SEPTIN11: variants seen among roughly 807,000 people sequenced by gnomAD.
The protein encoded by SEPTIN11 is septin-11.
A neutral mutation model predicts 51.4 loss-of-function variants in SEPTIN11; 25 were observed. The observed-to-expected ratio is 0.49, with a 90% CI of 0.35 to 0.68. The LOEUF (loss-of-function observed/expected upper bound fraction) is 0.68, where lower values mean the gene tolerates loss of function less well. SEPTIN11 is among the 30% of genes least tolerant of loss of function. The probability of loss-of-function intolerance (pLI) is 0.00; values close to 1 mark genes in which losing one functional copy is unlikely to be tolerated. For missense variants in SEPTIN11, 381 were observed against 520.8 expected (o/e 0.73, Z 2.61); for synonymous variants, 174 against 184.1 (o/e 0.95, Z 0.44).
At chr4:76,996,990 C>T (rs896006728) in intron 2 of SEPTIN11, among the ~76,000 whole-genome samples, 1 of 151,722 alleles carries the variant, frequency 6.6e-6, no homozygotes, top group Non-Finnish European at 1.5e-5. Flanking sequence ...AGCAATTCTC[C>T]TGCCTCAGCC....
At chr4:76,969,363 C>T (rs1185487408) in intron 1 of SEPTIN11, among the ~76,000 whole-genome samples, 3 of 152,046 alleles carry the variant, frequency 2.0e-5, no homozygotes, top group African/African-American at 4.8e-5. Context: ...TTTTCTAAAT[C>T]GAATCCACTG....
chr4:77,017,652 G>A (rs1455115080), intron 5 of SEPTIN11, among the ~76,000 whole-genome samples: 1 of 152,218 alleles, frequency 6.6e-6, no homozygotes, highest in African/African-American at 2.4e-5. Context: ...ATTATGCCAA[G>A]TTCTTTGTAG....
At position 77,014,872 on chromosome 4, in the gene SEPTIN11, T is replaced by A; in HGVS notation, c.542T>A (p.Ile181Lys). 6.2e-7 allele frequency: 1 copy of A among 1,614,030 alleles called. No homozygotes were observed. The highest frequency in any genetic ancestry group is 8.5e-7 in the Non-Finnish European group (1 of 1,179,964). The change falls in exon 5 of 10, where the codon ATA becomes AAA. Residue 181 changes from isoleucine (I) to lysine (K), a missense_variant. By Grantham distance (102) the Ile-to-Lys change is moderately radical. Transcript: ENST00000264893. ...KLDSKVNIIP[I>K]IAKADTIAKN... is the part of the protein sequence containing the mutation. ...GTTTTACAGGTGAACATCATTCCAA[T>A]AATTGCAAAAGCTGACACCATTGCC...
At chr4:76,988,836 TA>T (rs1723186931) in intron 1 of SEPTIN11, among the ~76,000 whole-genome samples, 1 of 152,236 alleles carries the variant, frequency 6.6e-6, no homozygotes, top group African/African-American at 2.4e-5. Context: ...AAGCAGAAAT[TA>T]AAAGTTGAGG....
At chr4:77,009,211 C>T (rs1724691031) in intron 3 of SEPTIN11, among the ~76,000 whole-genome samples, 1 of 152,134 alleles carries the variant, frequency 6.6e-6, no homozygotes, top group African/African-American at 2.4e-5. Context: ...GAAGGAGGCT[C>T]CAGGTTGAAT....
At chr4:76,991,641 C>T (rs1482284634) in intron 1 of SEPTIN11, among the ~76,000 whole-genome samples, 2 of 152,284 alleles carry the variant, frequency 1.3e-5, no homozygotes, top group South Asian at 2.1e-4. Context: ...ATTTGGGGAA[C>T]TTTAGCTTTC....
chr4:76,960,160 G>A (rs1007544802), intron 1 of SEPTIN11, among the ~76,000 whole-genome samples: 3 of 152,268 alleles, frequency 2.0e-5, no homozygotes, highest in South Asian at 2.1e-4. Context: ...TTCTCCTCAC[G>A]TTTGTCACCT....
chr4:77,018,889 ATAGT>A (rs1339945540), intron 5 of SEPTIN11, among the ~76,000 whole-genome samples: 5 of 152,242 alleles, frequency 3.3e-5, no homozygotes, highest in African/African-American at 1.2e-4. Context: ...ACAGTCACAT[ATAGT>A]TAGTGGCTAC....
rs1725662008 is a variant in SEPTIN11, at chr4:77,020,738, G to A, written c.953+68G>A. 2.1e-6 allele frequency: 3 copies of A among 1,443,510 alleles called. No individual in the cohort carries two copies. The Admixed American group carries it at 6.0e-5, about 29-fold the overall frequency. The allele number at this position is 1,443,510 out of a possible 1,614,324, so 89.4% of individuals were successfully genotyped here. On this transcript the variant is annotated intron_variant, in intron 7 of 9. Coordinates refer to ENST00000264893, the MANE Select transcript of SEPTIN11 (RefSeq NM_018243.4). ...GAGAGTGGCATGGTGGTACATCACA[G>A]AAATGCTTGCTGGATTGAGATGGTG... is the stretch of plus-strand genomic sequence containing the variant.
intron 1 of SEPTIN11, chr4:76,959,306 G>A (rs1045492812): frequency 6.4e-6 from 1 of 155,106 alleles, no homozygotes; most frequent in Non-Finnish European, 1.4e-5. Context: ...TGGATACAGA[G>A]TCTTGCTATG....
Position 77,038,170 on chromosome 4 carries a change from A to C in SEPTIN11, c.*3658A>C, listed in dbSNP as rs1485416271. On this transcript the variant is annotated 3_prime_UTR_variant, in exon 10 of 10. Coordinates refer to ENST00000264893, the MANE Select transcript of SEPTIN11 (RefSeq NM_018243.4). The stretch of plus-strand genomic sequence containing the variant: ...TGACAGGACACATTCTTTAGTGGGA[A>C]TTAAGACCTACAAAGTCTAGTTTGT... 1.6e-5 allele frequency: 16 copies of C among 985,748 alleles called. No homozygotes were observed. The highest frequency in any genetic ancestry group is 6.1e-5 in the Admixed American group (1 of 16,268). The allele number at this position is 985,748 out of a possible 1,614,324, so 61.1% of individuals were successfully genotyped here. A position where few individuals can be genotyped will look rare whatever the true frequency, so the allele number is the denominator to read the frequency against.
intron 2 of SEPTIN11, among the ~76,000 whole-genome samples, chr4:76,997,458 A>T (rs1034075750): frequency 2.0e-5 from 3 of 152,208 alleles, no homozygotes; most frequent in Admixed American, 2.0e-4. Flanking sequence ...AGTTGGGGGG[A>T]GTGCAGATAT....
intron 2 of SEPTIN11, among the ~76,000 whole-genome samples, chr4:76,997,186 C>T (rs879782475): frequency 7.2e-5 from 11 of 152,276 alleles, no homozygotes; most frequent in South Asian, 4.2e-4. Flanking sequence ...CTCCCCATCA[C>T]GCCTGATGAA....
At chr4:77,000,188 G>A (rs1724021851) in intron 2 of SEPTIN11, among the ~76,000 whole-genome samples, 1 of 152,228 alleles carries the variant, frequency 6.6e-6, no homozygotes, top group Non-Finnish European at 1.5e-5. Flanking sequence ...TTTTGAAATA[G>A]AAAATTTGTC....
At chr4:76,970,307 C>T (rs966028856) in intron 1 of SEPTIN11, among the ~76,000 whole-genome samples, 1 of 152,190 alleles carries the variant, frequency 6.6e-6, no homozygotes, top group Non-Finnish European at 1.5e-5. Context: ...AGTTTTCACG[C>T]CTTATTAATT....
chr4:77,020,769 G>A, intron 7 of SEPTIN11, 99 bp downstream of exon 7: 1 of 1,130,126 alleles, frequency 8.8e-7, no homozygotes, highest in East Asian at 2.5e-5. Flanking sequence ...TGGTGATGAT[G>A]GAAGGATCTG....
chr4:76,967,111 TGC>T (rs1722065547), intron 1 of SEPTIN11, among the ~76,000 whole-genome samples: 1 of 152,006 alleles, frequency 6.6e-6, no homozygotes, highest in Non-Finnish European at 1.5e-5. Context: ...GCACGAGAAT[TGC>T]TTGAGTCCAG....
At chr4:76,965,783 A>G (rs1024521137) in intron 1 of SEPTIN11, among the ~76,000 whole-genome samples, 2 of 152,166 alleles carry the variant, frequency 1.3e-5, no homozygotes, top group Non-Finnish European at 2.9e-5. Flanking sequence ...CTCATGACAG[A>G]GTGCAGAATA....
At chr4:76,953,897 G>C (rs1301350260) in intron 1 of SEPTIN11, among the ~76,000 whole-genome samples, 1 of 152,180 alleles carries the variant, frequency 6.6e-6, no homozygotes, top group Non-Finnish European at 1.5e-5. Context: ...CCACTATCCT[G>C]ATATAATAGT....
Sources: gnomAD v4.1 joint callset for allele counts (sites outside exome capture counted in the v4.1 genomes callset) on GRCh38, gnomAD v4.1.1 for gene constraint, MANE v1.5 for transcripts, NCBI Gene and HGNC (gene_info 2026-07-23, HGNC 2026-07-21) for gene names.